KCNAB1: variants seen among roughly 807,000 people sequenced by gnomAD.
KCNAB1 encodes voltage-gated potassium channel subunit beta-1.
A neutral mutation model predicts 64.6 loss-of-function variants in KCNAB1; 35 were observed. That is an observed-to-expected ratio of 0.54 (90% CI 0.41 to 0.72). The LOEUF (loss-of-function observed/expected upper bound fraction) is 0.72, where lower values mean the gene tolerates loss of function less well. Among genes scored for constraint, KCNAB1 ranks in the 30% least tolerant of loss-of-function variants. The pLI is 0.00. For synonymous variants in KCNAB1, 177 were observed against 183.8 expected, an observed-to-expected ratio of 0.96 and a Z score of 0.30; for missense variants, 401 against 512.9, an observed-to-expected ratio of 0.78 and a Z score of 2.11.
Position 156,483,375 on chromosome 3 carries a change from T to C in KCNAB1, c.658+8555T>C, listed in dbSNP as rs1158132602. Among the ~76,000 whole-genome samples the C allele has an allele frequency of 4.6e-5, 7 of 152,126 alleles. No homozygotes were observed. The East Asian group carries it at 1.2e-3, about 25-fold the overall frequency. ...ATGGGTGGCTGACTGAAGACTTAAGTTCTCATATTTTATGTATTTATATTT... is the reference window on the plus strand; with the variant it reads ...ATGGGTGGCTGACTGAAGACTTAAGCTCTCATATTTTATGTATTTATATTT... On this transcript the variant is annotated intron_variant, in intron 8 of 13. Coordinates refer to ENST00000490337, the MANE Select transcript of KCNAB1 (RefSeq NM_172160.3).
intron 12 of KCNAB1, among the ~76,000 whole-genome samples, chr3:156,524,430 G>A (rs1718156870): frequency 6.6e-6 from 1 of 152,164 alleles, no homozygotes; most frequent in Non-Finnish European, 1.5e-5. Context: ...GTCCATGAAA[G>A]GTCATGATTG....
chr3:156,374,616 G>A lies in KCNAB1; in HGVS notation c.276-47000G>A, dbSNP rs375448904. 1.8e-3 allele frequency among the ~76,000 whole-genome samples: 238 copies of A among 135,584 alleles called. 44 individuals are homozygous for A. The highest frequency in any genetic ancestry group is 1.9e-3 in the Non-Finnish European group (122 of 64,942). 88.9% of individuals were successfully genotyped at this position (135,584 alleles called of 152,430 possible). ...AGCGGAAATAGCAGCCTTGGTGGTTGCATGGGTAGAAGCTTCACCTTTGCC... is the reference window on the plus strand; with the variant it reads ...AGCGGAAATAGCAGCCTTGGTGGTTACATGGGTAGAAGCTTCACCTTTGCC... On this transcript the variant is annotated intron_variant, in intron 1 of 13. Transcript: ENST00000490337.
chr3:156,146,922 T>C (rs1277167930), intron 1 of KCNAB1, among the ~76,000 whole-genome samples: 1 of 152,250 alleles, frequency 6.6e-6, no homozygotes, highest in Non-Finnish European at 1.5e-5. Flanking sequence ...GGCCTTCAGT[T>C]GCTCAGGTTA....
intron 1 of KCNAB1, among the ~76,000 whole-genome samples, chr3:156,305,374 G>C (rs1162212596): frequency 6.6e-6 from 1 of 152,200 alleles, no homozygotes; most frequent in Non-Finnish European, 1.5e-5. Context: ...ATCAATAAAG[G>C]ATTGCAGGAT....
intron 1 of KCNAB1, among the ~76,000 whole-genome samples, chr3:156,145,300 CTCTGACACA>C (rs2108285918): frequency 6.6e-6 from 1 of 152,308 alleles, no homozygotes; most frequent in Non-Finnish European, 1.5e-5. Context: ...TGAGCTTGTG[CTCTGACACA>C]TCTTCCTGAC....
intron 1 of KCNAB1, among the ~76,000 whole-genome samples, chr3:156,365,393 T>C (rs1457185590): frequency 1.3e-5 from 2 of 152,224 alleles, no homozygotes; most frequent in Non-Finnish European, 2.9e-5. Context: ...TGCAAGAGGC[T>C]CATCTTCCTC....
chr3:156,146,840 C>T (rs1467610161), intron 1 of KCNAB1, among the ~76,000 whole-genome samples: 1 of 152,136 alleles, frequency 6.6e-6, no homozygotes, highest in Non-Finnish European at 1.5e-5. Context: ...GCTTGTGGGC[C>T]ATACAAAAAC....
chr3:156,249,360 C>T (rs141479594), intron 1 of KCNAB1, among the ~76,000 whole-genome samples: 2,648 of 151,916 alleles, frequency 0.017, 52 homozygotes, highest in South Asian at 0.023. Context: ...GTCAGGAGTT[C>T]GAGATCAGCC....
intron 8 of KCNAB1, among the ~76,000 whole-genome samples, chr3:156,511,501 C>T (rs1370355030): frequency 6.6e-6 from 1 of 152,202 alleles, no homozygotes; most frequent in Non-Finnish European, 1.5e-5. Context: ...CCTTCAGTCT[C>T]CCTTATCTCT....
intron 1 of KCNAB1, among the ~76,000 whole-genome samples, chr3:156,275,661 A>G (rs1263379190): frequency 6.6e-6 from 1 of 152,206 alleles, no homozygotes; most frequent in Non-Finnish European, 1.5e-5. Flanking sequence ...CATCTTTACC[A>G]GGAGTAGATT....
chr3:156,486,626 G>A (rs1374438149), intron 8 of KCNAB1, among the ~76,000 whole-genome samples: 1 of 152,146 alleles, frequency 6.6e-6, no homozygotes, highest in Non-Finnish European at 1.5e-5. Flanking sequence ...TGACCTCCTG[G>A]GACTGGTAGG....
At chr3:156,259,545 A>G (rs1333461215) in intron 1 of KCNAB1, among the ~76,000 whole-genome samples, 1 of 152,160 alleles carries the variant, frequency 6.6e-6, no homozygotes, top group Non-Finnish European at 1.5e-5. Flanking sequence ...ACACTCCTGA[A>G]CTTGCTGTTT....
chr3:156,245,602 A>G (rs577301196), intron 1 of KCNAB1, among the ~76,000 whole-genome samples: 1 of 147,854 alleles, frequency 6.8e-6, no homozygotes, highest in African/African-American at 2.7e-5. Context: ...TCCCTTTACT[A>G]TATAATATTT....
intron 1 of KCNAB1, chr3:156,176,328 A>T (rs1712367944): frequency 1.1e-6 from 1 of 885,316 alleles, no homozygotes; most frequent in African/African-American, 1.6e-5. Context: ...TGAAGGTCAC[A>T]GCTAACACCT....
chr3:156,523,980 G>T (rs1718125386), intron 12 of KCNAB1, 33 bp downstream of exon 12: 1 of 1,603,914 alleles, frequency 6.2e-7, no homozygotes, highest in African/African-American at 1.3e-5. Flanking sequence ...GGGTGGTAGA[G>T]GGACTTCTGC....
intron 2 of KCNAB1, among the ~76,000 whole-genome samples, chr3:156,440,727 A>C (rs1341681538): frequency 1.3e-5 from 2 of 152,212 alleles, no homozygotes; most frequent in African/African-American, 4.8e-5. Context: ...TACAGCTATA[A>C]ATTTTCTTTA....
intron 1 of KCNAB1, among the ~76,000 whole-genome samples, chr3:156,341,130 A>C (rs1392440229): frequency 6.6e-6 from 1 of 152,220 alleles, no homozygotes; most frequent in African/African-American, 2.4e-5. Context: ...GACAGCAAAA[A>C]ATACAGAACT....
chr3:156,524,723 C>T (rs183969795), intron 12 of KCNAB1, among the ~76,000 whole-genome samples: 3 of 130,756 alleles, frequency 2.3e-5, no homozygotes, highest in Middle Eastern at 4.5e-3. Context: ...CTCCAGCCTG[C>T]GTGACAGAGC....
intron 7 of KCNAB1, among the ~76,000 whole-genome samples, chr3:156,468,388 A>G (rs1713594527): frequency 6.6e-6 from 1 of 152,036 alleles, no homozygotes; most frequent in Admixed American, 6.6e-5. Flanking sequence ...TGCCATAATA[A>G]TTAAATCACC....
Sources: allele counts gnomAD v4.1 joint callset (sites outside exome capture counted in the v4.1 genomes callset), GRCh38; gene constraint gnomAD v4.1.1; transcripts MANE v1.5; gene names NCBI Gene and HGNC (gene_info 2026-07-23, HGNC 2026-07-21).